GABRB1: variants seen among roughly 807,000 people sequenced by gnomAD.
GABRB1 encodes the protein gamma-aminobutyric acid type A receptor subunit beta1, also known as gamma-aminobutyric acid receptor subunit beta-1.
A neutral mutation model predicts 51.6 loss-of-function variants in GABRB1; 17 were observed. That is an observed-to-expected ratio of 0.33 (90% CI 0.23 to 0.49). GABRB1 has a LOEUF of 0.49. Among genes scored for constraint, GABRB1 ranks in the 20% least tolerant of loss-of-function variants. GABRB1 has a pLI of 0.99. For missense variants in GABRB1, 410 were observed against 600.6 expected (o/e 0.68, Z 3.32); for synonymous variants, 247 against 218.9 (o/e 1.13, Z -1.14).
intron 4 of GABRB1, among the ~76,000 whole-genome samples, chr4:47,298,209 C>A (rs1366922488): frequency 1.3e-5 from 2 of 152,182 alleles, no homozygotes; most frequent in Admixed American, 6.5e-5. Context: ...CTCACCACTC[C>A]TATTCAACAT....
intron 4 of GABRB1, among the ~76,000 whole-genome samples, chr4:47,211,104 T>C (rs1454186320): frequency 6.6e-6 from 1 of 152,172 alleles, no homozygotes; most frequent in Non-Finnish European, 1.5e-5. Flanking sequence ...GGGCACTACT[T>C]CTTTCCCACG....
chr4:47,150,179 CACA>C (rs1364730548), intron 3 of GABRB1, among the ~76,000 whole-genome samples: 1 of 107,888 alleles, frequency 9.3e-6, no homozygotes, highest in Non-Finnish European at 1.8e-5. Flanking sequence ...CACACACACA[CACA>C]ACACACACAC....
At chr4:47,078,376 C>T (rs960445414) in intron 3 of GABRB1, among the ~76,000 whole-genome samples, 2 of 152,148 alleles carry the variant, frequency 1.3e-5, no homozygotes, top group African/African-American at 4.8e-5. Flanking sequence ...TTCTTTTCTC[C>T]TTTATATGTT....
chr4:47,148,981 A>G (rs745526858), intron 3 of GABRB1, among the ~76,000 whole-genome samples: 16 of 151,986 alleles, frequency 1.1e-4, no homozygotes, highest in Non-Finnish European at 2.2e-4. Flanking sequence ...TGCTTGTTAT[A>G]TGATACAGTG....
chr4:47,193,742 A>G (rs559670349), intron 4 of GABRB1, among the ~76,000 whole-genome samples: 38 of 152,368 alleles, frequency 2.5e-4, no homozygotes, highest in African/African-American at 9.1e-4. Context: ...TGCAAAGAGG[A>G]TGCTAAAAAT....
intron 3 of GABRB1, among the ~76,000 whole-genome samples, chr4:47,077,957 T>A (rs4276261): frequency 0.75 from 90,916 of 121,382 alleles, 32,520 homozygotes; most frequent in Admixed American, 0.78. Flanking sequence ...TATTATATAT[T>A]TTATATATAT....
rs866066522 is a variant in GABRB1 at position 47,123,507 on chromosome 4, T to A, written c.241-37742T>A. 3.0e-4 allele frequency among the ~76,000 whole-genome samples: 29 copies of A among 96,004 alleles called. 1 individual carries two copies. The highest frequency in any genetic ancestry group is 2.2e-3 in the South Asian group (7 of 3,170). The allele number at this position is 96,004 out of a possible 152,430, so 63.0% of individuals were successfully genotyped here. A position where few individuals can be genotyped will look rare whatever the true frequency, so the allele number is the denominator to read the frequency against. ...CATTATTTCATATATTATAATATAT[T>A]ATATATTATAATATATTACATTATT... On this transcript the variant is annotated intron_variant, in intron 3 of 8. Coordinates refer to ENST00000295454, the MANE Select transcript of GABRB1 (RefSeq NM_000812.4).
rs541687231 is a variant in GABRB1 at position 47,266,392 on chromosome 4, T to A, written c.462-53735T>A. Among the ~76,000 whole-genome samples, 53 of 152,254 alleles carry A rather than the reference T, an allele frequency of 3.5e-4. 1 individual carries two copies. In the South Asian group the frequency reaches 9.5e-3, roughly 27 times the overall value. On this transcript the variant is annotated intron_variant, in intron 4 of 8. Coordinates refer to ENST00000295454, the MANE Select transcript of GABRB1 (RefSeq NM_000812.4). ...GCTTTGTTCTTTTTGCTTAGGATTG[T>A]TTTGGCCATTTGGGCTCTTTTTTTG...
intron 4 of GABRB1, among the ~76,000 whole-genome samples, chr4:47,303,637 A>G (rs918667171): frequency 2.0e-5 from 3 of 151,964 alleles, no homozygotes; most frequent in Non-Finnish European, 2.9e-5. Flanking sequence ...TAACTGACAA[A>G]AATTGTTTAT....
At chr4:47,222,941 C>G (rs1438125167) in intron 4 of GABRB1, among the ~76,000 whole-genome samples, 1 of 151,970 alleles carries the variant, frequency 6.6e-6, no homozygotes, top group African/African-American at 2.4e-5. Flanking sequence ...ATTGTTTCTT[C>G]TAGATTTTTA....
At chr4:47,254,594 G>A (rs62303991) in intron 4 of GABRB1, among the ~76,000 whole-genome samples, 30,550 of 151,358 alleles carry the variant, frequency 0.2, 3,265 homozygotes, top group East Asian at 0.25. Context: ...GGATGGTCTC[G>A]ATCTCCTGAC....
chr4:47,176,404 A>G (rs941560114), intron 4 of GABRB1, among the ~76,000 whole-genome samples: 2 of 152,140 alleles, frequency 1.3e-5, no homozygotes, highest in Non-Finnish European at 2.9e-5. Context: ...TGTGAAAAAA[A>G]TAGAGTAGTC....
At chr4:47,001,209 C>G (rs1323171819) in intron 1 of GABRB1, among the ~76,000 whole-genome samples, 1 of 152,130 alleles carries the variant, frequency 6.6e-6, no homozygotes, top group Non-Finnish European at 1.5e-5. Flanking sequence ...GTGGCGCGAT[C>G]TGGGCTCACT....
chr4:47,332,062 C>T (rs1405169786), intron 5 of GABRB1, among the ~76,000 whole-genome samples: 1 of 152,226 alleles, frequency 6.6e-6, no homozygotes, highest in African/African-American at 2.4e-5. Context: ...GAAGAAAGCA[C>T]ATTTTAATTG....
At chr4:47,132,755 A>C (rs1221554671) in intron 3 of GABRB1, among the ~76,000 whole-genome samples, 1 of 152,214 alleles carries the variant, frequency 6.6e-6, no homozygotes, top group African/African-American at 2.4e-5. Flanking sequence ...ACGTGTTCAG[A>C]GAGCCCTACT....
At chr4:47,319,589 T>C (rs1226074314) in intron 4 of GABRB1, among the ~76,000 whole-genome samples, 1 of 152,194 alleles carries the variant, frequency 6.6e-6, no homozygotes, top group African/African-American at 2.4e-5. Flanking sequence ...TTTCATTTGC[T>C]AGTATTTTAT....
chr4:47,015,851 G>A lies in GABRB1; in HGVS notation c.-19-16063G>A, dbSNP rs4301081. Among the ~76,000 whole-genome samples the A allele has an allele frequency of 9.7e-3, 1,482 of 152,098 alleles. 24 individuals are homozygous for A. Among genetic ancestry groups the A allele is most frequent in the African/African-American group, 0.033 (1,362 of 41,464 alleles). ...TCAAACATATTTTTGAGATCCTACA[G>A]CATACCAGGATTTTTGCTATATTCT... On this transcript the variant is annotated intron_variant, in intron 1 of 3. Coordinates refer to the GABRB1 transcript ENST00000513567.
chr4:47,336,951 C>A (rs915573279), intron 5 of GABRB1, among the ~76,000 whole-genome samples: 1 of 152,224 alleles, frequency 6.6e-6, no homozygotes, highest in East Asian at 1.9e-4. Flanking sequence ...AATTTAAAGT[C>A]TGGTGTATAG....
At chr4:47,122,248 T>C (rs1236237847) in intron 3 of GABRB1, among the ~76,000 whole-genome samples, 1 of 152,214 alleles carries the variant, frequency 6.6e-6, no homozygotes, top group Non-Finnish European at 1.5e-5. Flanking sequence ...TTTAAATTTT[T>C]AGTTGACAGT....
Sources: allele counts gnomAD v4.1 joint callset (sites outside exome capture counted in the v4.1 genomes callset), GRCh38; gene constraint gnomAD v4.1.1; transcripts MANE v1.5; gene names NCBI Gene and HGNC (gene_info 2026-07-23, HGNC 2026-07-21).